Variants in ASTN2 observed in about 807,000 individuals in gnomAD.
The protein encoded by ASTN2 is astrotactin 2, also known as astrotactin-2.
ASTN2 carries 54 observed loss-of-function variants against 139.8 expected under a neutral mutation model. That is an observed-to-expected ratio of 0.39 (90% CI 0.31 to 0.48). The LOEUF is 0.48. Among genes scored for constraint, ASTN2 ranks in the 20% least tolerant of loss-of-function variants. The pLI, the probability that ASTN2 is intolerant of heterozygous loss-of-function variation, is 0.95. For missense variants in ASTN2, 1,565 were observed against 1,725.1 expected, an observed-to-expected ratio of 0.91 and a Z score of 1.64; for synonymous variants, 756 against 719.5, an observed-to-expected ratio of 1.05 and a Z score of -0.81.
intron 19 of ASTN2, among the ~76,000 whole-genome samples, chr9:116,555,329 T>C (rs10118576): frequency 0.17 from 26,419 of 152,104 alleles, 2,636 homozygotes; most frequent in African/African-American, 0.26. Context: ...CTGCACAGGC[T>C]GGCCCACTTT....
chr9:117,005,732 T>A, intron 7 of ASTN2, among the ~76,000 whole-genome samples: 1 of 149,752 alleles, frequency 6.7e-6, no homozygotes, highest in East Asian at 1.9e-4. Context: ...CCCCAGTACA[T>A]ACTTCTCTCT....
intron 6 of ASTN2, among the ~76,000 whole-genome samples, chr9:117,036,986 G>A (rs1017293324): frequency 1.3e-5 from 2 of 151,916 alleles, no homozygotes; most frequent in African/African-American, 2.4e-5. Flanking sequence ...CCTTGATTCA[G>A]TATCTGTTGT....
chr9:117,154,957 G>A (rs1248962513), intron 3 of ASTN2, among the ~76,000 whole-genome samples: 3 of 152,032 alleles, frequency 2.0e-5, no homozygotes, highest in African/African-American at 4.8e-5. Flanking sequence ...CCTAGGAAGT[G>A]AGTGACATTA....
At chr9:117,016,741 ATATATAGGTTT>A (rs1459519644) in intron 6 of ASTN2, among the ~76,000 whole-genome samples, 2 of 143,482 alleles carry the variant, frequency 1.4e-5, no homozygotes, top group Non-Finnish European at 3.0e-5. Context: ...TATATAGGTT[ATATATAGGTTT>A]TATATATAGG....
intron 4 of ASTN2, among the ~76,000 whole-genome samples, chr9:117,120,010 GTGTGTGTGTA>G (rs1419751330): frequency 8.9e-5 from 3 of 33,728 alleles, no homozygotes; most frequent in African/African-American, 2.4e-4. Context: ...GTGTGTGTGT[GTGTGTGTGTA>G]TATATATATA....
chr9:116,494,602 G>T (rs1475296163), intron 19 of ASTN2, among the ~76,000 whole-genome samples: 3 of 152,044 alleles, frequency 2.0e-5, no homozygotes, highest in Admixed American at 6.6e-5. Context: ...ATGTTATTTG[G>T]CTTTTATTAC....
At chr9:116,571,064 GA>G (rs767613484) in intron 19 of ASTN2, among the ~76,000 whole-genome samples, 91 of 152,330 alleles carry the variant, frequency 6.0e-4, no homozygotes, top group Non-Finnish European at 1.1e-3. Context: ...AGGATTAAAT[GA>G]GATGGGGAAG....
chr9:116,501,617 T>C (rs1339224762), intron 19 of ASTN2, among the ~76,000 whole-genome samples: 1 of 149,456 alleles, frequency 6.7e-6, no homozygotes, highest in Non-Finnish European at 1.5e-5. Context: ...CCACATCCTC[T>C]CCAGCACCTG....
intron 10 of ASTN2, among the ~76,000 whole-genome samples, chr9:116,899,092 C>T (rs936156477): frequency 6.6e-6 from 1 of 152,110 alleles, no homozygotes; most frequent in Non-Finnish European, 1.5e-5. Context: ...TCCTATAGTG[C>T]CAGTTGATAT....
chr9:116,891,065 T>G (rs1441299348), intron 10 of ASTN2, among the ~76,000 whole-genome samples: 1 of 152,208 alleles, frequency 6.6e-6, no homozygotes, highest in African/African-American at 2.4e-5. Context: ...AGAGCCCAAA[T>G]GCCTGGTGCT....
intron 7 of ASTN2, among the ~76,000 whole-genome samples, chr9:117,003,670 C>T (rs1837261241): frequency 6.6e-6 from 1 of 151,564 alleles, no homozygotes; most frequent in Non-Finnish European, 1.5e-5. Context: ...TAATGGAGAA[C>T]AGCATTAGAA....
chr9:116,573,530 T>C (rs534738324), intron 19 of ASTN2, among the ~76,000 whole-genome samples: 1 of 152,328 alleles, frequency 6.6e-6, no homozygotes, highest in Non-Finnish European at 1.5e-5. Flanking sequence ...CAGAATGTTA[T>C]GGGACAAAAT....
At chr9:117,279,929 A>G (rs900365717) in intron 2 of ASTN2, among the ~76,000 whole-genome samples, 7 of 152,178 alleles carry the variant, frequency 4.6e-5, no homozygotes, top group African/African-American at 1.4e-4. Context: ...TGTGTCTCTC[A>G]TAAGGACTAA....
intron 11 of ASTN2, among the ~76,000 whole-genome samples, chr9:116,826,438 C>T (rs1423827872): frequency 6.6e-6 from 1 of 152,152 alleles, no homozygotes; most frequent in Admixed American, 6.5e-5. Context: ...CACCACCCTG[C>T]TGGGAGAGGG....
chr9:117,295,592 C>CAT lies in ASTN2; in HGVS notation c.443-4081_443-4080dup, dbSNP rs139721336. Among the ~76,000 whole-genome samples the CAT allele has an allele frequency of 5.5e-3, 833 of 150,218 alleles. 3 individuals carry two copies. The highest frequency in any genetic ancestry group is 6.6e-3 in the Admixed American group (100 of 15,058). Reference sequence around the variant, plus strand: ...TTTTTCATCTTTAAAATGCTTAATGCATATATATATATATTTCAGTGATTT... The same window carrying CAT: ...TTTTTCATCTTTAAAATGCTTAATGCATATATATATATATATTTCAGTGATTT... On this transcript the variant is annotated intron_variant, in intron 1 of 22. Coordinates refer to ENST00000313400, the MANE Select transcript of ASTN2 (RefSeq NM_001365068.1).
chr9:117,071,373 G>T (rs1203096460), intron 5 of ASTN2, among the ~76,000 whole-genome samples: 1 of 151,596 alleles, frequency 6.6e-6, no homozygotes, highest in Non-Finnish European at 1.5e-5. Context: ...CGGGTTCTCA[G>T]ATCTCCAGCT....
chr9:116,537,067 C>T (rs4837604), intron 19 of ASTN2, among the ~76,000 whole-genome samples: 25,476 of 152,178 alleles, frequency 0.17, 2,396 homozygotes, highest in African/African-American at 0.24. Flanking sequence ...GGGCGCCCCT[C>T]CCCCAGCCTT....
chr9:116,940,587 C>A (rs371394973), intron 10 of ASTN2, among the ~76,000 whole-genome samples: 4 of 152,056 alleles, frequency 2.6e-5, no homozygotes, highest in African/African-American at 9.7e-5. Context: ...AAGATGTAAA[C>A]CCTCATGTAC....
At chr9:117,082,618 A>T (rs1284901590) in intron 5 of ASTN2, among the ~76,000 whole-genome samples, 1 of 152,298 alleles carries the variant, frequency 6.6e-6, no homozygotes, top group East Asian at 1.9e-4. Context: ...CCTGGCCAAC[A>T]TGGTGAAACC....
Sources: allele counts gnomAD v4.1 joint callset (sites outside exome capture counted in the v4.1 genomes callset), GRCh38; gene constraint gnomAD v4.1.1; transcripts MANE v1.5; gene names NCBI Gene and HGNC (gene_info 2026-07-23, HGNC 2026-07-21).